Variants in CTNNA3 observed in about 807,000 individuals in gnomAD.
CTNNA3 encodes the protein catenin alpha-3.
Under a neutral mutation model 95.7 loss-of-function variants are expected in CTNNA3, and 76 were observed. The observed-to-expected ratio is 0.79, with a 90% CI of 0.66 to 0.96. The LOEUF (loss-of-function observed/expected upper bound fraction) is 0.96. Ranked by LOEUF, CTNNA3 falls within the 40% of genes least tolerant of loss-of-function variation. The pLI, the probability that CTNNA3 is intolerant of heterozygous loss-of-function variation, is 0.00. For missense variants in CTNNA3, 1,191 were observed against 1,089.8 expected, an observed-to-expected ratio of 1.09 and a Z score of -1.31; for synonymous variants, 431 against 374.4, an observed-to-expected ratio of 1.15 and a Z score of -1.74.
chr10:66,288,099 T>G (rs892091158), intron 12 of CTNNA3, among the ~76,000 whole-genome samples: 1 of 152,116 alleles, frequency 6.6e-6, no homozygotes, highest in Non-Finnish European at 1.5e-5. Flanking sequence ...TATATGCAGA[T>G]ATAAACATAA....
intron 11 of CTNNA3, among the ~76,000 whole-genome samples, chr10:66,475,615 C>T (rs974563111): frequency 1.3e-5 from 2 of 151,998 alleles, no homozygotes; most frequent in African/African-American, 2.4e-5. Flanking sequence ...TGAAGAAAAG[C>T]TCAATATCAC....
intron 3 of CTNNA3, among the ~76,000 whole-genome samples, chr10:67,599,322 A>C (rs1030666247): frequency 3.9e-5 from 6 of 152,224 alleles, no homozygotes; most frequent in Non-Finnish European, 5.9e-5. Flanking sequence ...AAATACTTAT[A>C]GTCTATTTTC....
chr10:66,166,954 T>C (rs959064068), intron 13 of CTNNA3, among the ~76,000 whole-genome samples: 1 of 151,962 alleles, frequency 6.6e-6, no homozygotes, highest in Non-Finnish European at 1.5e-5. Flanking sequence ...GGAGATACAA[T>C]GGGAGGTTGG....
chr10:67,213,301 T>C (rs1472901577), intron 6 of CTNNA3, among the ~76,000 whole-genome samples: 1 of 151,746 alleles, frequency 6.6e-6, no homozygotes, highest in Non-Finnish European at 1.5e-5. Context: ...ACTCCTCTTC[T>C]GACTTTCACT....
chr10:67,720,781 C>A (rs1841175577), intron 1 of CTNNA3, among the ~76,000 whole-genome samples: 2 of 152,064 alleles, frequency 1.3e-5, no homozygotes, highest in Admixed American at 6.6e-5. Context: ...TGGTGAAACC[C>A]TGTCTCTACT....
At chr10:66,916,581 A>G (rs1164547129) in intron 7 of CTNNA3, among the ~76,000 whole-genome samples, 1 of 152,208 alleles carries the variant, frequency 6.6e-6, no homozygotes, top group East Asian at 1.9e-4. Flanking sequence ...TTAAATTTCA[A>G]GAATCCTGAG....
At chr10:66,697,699 C>CT (rs745857181) in intron 9 of CTNNA3, among the ~76,000 whole-genome samples, 2 of 152,096 alleles carry the variant, frequency 1.3e-5, no homozygotes, top group African/African-American at 4.8e-5. Flanking sequence ...ACTTATTACA[C>CT]TTTTTTTAAG....
chr10:66,749,740 G>T (rs529670706), intron 9 of CTNNA3, among the ~76,000 whole-genome samples: 2 of 152,200 alleles, frequency 1.3e-5, no homozygotes, highest in Non-Finnish European at 2.9e-5. Flanking sequence ...GAGTGTGATT[G>T]CTGGGTCTTA....
chr10:66,337,895 T>A (rs1216704502), intron 12 of CTNNA3, among the ~76,000 whole-genome samples: 2 of 152,018 alleles, frequency 1.3e-5, no homozygotes, highest in African/African-American at 2.4e-5. Context: ...GCAATTTCAT[T>A]CCTAGGTATC....
At chr10:66,660,896 G>A (rs1002110888) in intron 9 of CTNNA3, among the ~76,000 whole-genome samples, 1 of 151,950 alleles carries the variant, frequency 6.6e-6, no homozygotes, top group Non-Finnish European at 1.5e-5. Flanking sequence ...GAGCTCCATG[G>A]GATCAGGGAT....
intron 7 of CTNNA3, among the ~76,000 whole-genome samples, chr10:67,096,845 AC>A (rs1162143778): frequency 6.6e-6 from 1 of 151,822 alleles, no homozygotes; most frequent in Non-Finnish European, 1.5e-5. Flanking sequence ...TTTCATAGGA[AC>A]CATAGATTTT....
intron 10 of CTNNA3, among the ~76,000 whole-genome samples, chr10:66,611,742 TAG>T (rs1844337111): frequency 6.6e-6 from 1 of 152,172 alleles, no homozygotes; most frequent in Non-Finnish European, 1.5e-5. Context: ...TCCCATTTGC[TAG>T]GCTTCCAGCC....
intron 11 of CTNNA3, among the ~76,000 whole-genome samples, chr10:66,436,442 C>CT (rs2093338057): frequency 7.7e-6 from 1 of 129,360 alleles, no homozygotes; most frequent in Admixed American, 8.2e-5. Context: ...CCTTCTTTGT[C>CT]TTTTTTATCT....
At chr10:66,379,069 A>C (rs1419171151) in intron 12 of CTNNA3, 83 bp downstream of exon 12, 6 of 1,196,076 alleles carry the variant, frequency 5.0e-6, no homozygotes, top group African/African-American at 1.5e-5. Context: ...ACAGACTAGA[A>C]TCTTTCCCAC....
At chr10:67,484,288 G>A (rs1358806412) in intron 5 of CTNNA3, among the ~76,000 whole-genome samples, 2 of 152,188 alleles carry the variant, frequency 1.3e-5, no homozygotes, top group African/African-American at 2.4e-5. Flanking sequence ...AATGAAACCA[G>A]ACACTTATCT....
rs182902225 is a variant in CTNNA3 at position 67,050,680 on chromosome 10, G to A, written c.1047+129637C>T. Among the ~76,000 whole-genome samples, 427 of 152,236 alleles carry A rather than the reference G, an allele frequency of 2.8e-3. 5 individuals carry two copies. The highest frequency in any genetic ancestry group is 8.4e-4 in the Non-Finnish European group (57 of 68,010). ...CCTGCATGGAATTTAAACTACTTTT[G>A]TAACAGCAAAAGGAATTTACTGACT... On this transcript the variant is annotated intron_variant, in intron 7 of 17. Coordinates refer to ENST00000433211, the MANE Select transcript of CTNNA3 (RefSeq NM_013266.4).
chr10:67,101,783 TGA>T (rs555014873), intron 7 of CTNNA3, among the ~76,000 whole-genome samples: 65 of 151,928 alleles, frequency 4.3e-4, no homozygotes, highest in Non-Finnish European at 6.8e-4. Flanking sequence ...CTATTGTATA[TGA>T]GAGTAAAAAT....
chr10:66,370,103 A>G (rs1564905007), intron 12 of CTNNA3, among the ~76,000 whole-genome samples: 1 of 152,102 alleles, frequency 6.6e-6, no homozygotes, highest in South Asian at 2.1e-4. Context: ...TCTCTCCCAA[A>G]CTAGAGGAAA....
intron 5 of CTNNA3, among the ~76,000 whole-genome samples, chr10:67,437,690 A>G (rs931332917): frequency 7.2e-5 from 11 of 152,030 alleles, no homozygotes; most frequent in Admixed American, 6.6e-4. Context: ...TAGAACTTAA[A>G]TATTCTTAGA....
Sources: allele counts gnomAD v4.1 joint callset (sites outside exome capture counted in the v4.1 genomes callset), GRCh38; gene constraint gnomAD v4.1.1; transcripts MANE v1.5; gene names NCBI Gene and HGNC (gene_info 2026-07-23, HGNC 2026-07-21).